Variants in TRAPPC8 observed in about 807,000 individuals in gnomAD.
TRAPPC8 encodes the protein trafficking protein particle complex subunit 8, also known as general sporulation gene 1 homolog.
TRAPPC8 carries 54 observed loss-of-function variants against 174.3 expected under a neutral mutation model. The observed-to-expected ratio is 0.31, with a 90% CI of 0.25 to 0.39. The LOEUF is 0.39. Among genes scored for constraint, TRAPPC8 ranks in the 10% least tolerant of loss-of-function variants. The pLI, the probability that TRAPPC8 is intolerant of heterozygous loss-of-function variation, is 1.00. For synonymous variants in TRAPPC8, 630 were observed against 579.9 expected (o/e 1.09, Z -1.24); for missense variants, 1,531 against 1,699.1 (o/e 0.90, Z 1.74).
intron 27 of TRAPPC8, 79 bp from the exon 28 acceptor site, chr18:31,832,252 CTA>C: frequency 1.4e-6 from 1 of 725,200 alleles, no homozygotes; most frequent in African/African-American, 1.9e-5. Flanking sequence ...ACACTTAAGA[CTA>C]TGTAACAGAG....
intron 27 of TRAPPC8, among the ~76,000 whole-genome samples, chr18:31,834,001 CA>C (rs35469149): frequency 1.4e-4 from 14 of 101,104 alleles, no homozygotes; most frequent in Admixed American, 2.9e-4. Flanking sequence ...GACTCCGTCT[CA>C]AAAAAAAAAA....
chr18:31,873,262 C>T (rs564352398), intron 14 of TRAPPC8, among the ~76,000 whole-genome samples, 168 bp downstream of exon 14: 10 of 152,152 alleles, frequency 6.6e-5, no homozygotes, highest in Middle Eastern at 3.4e-3. Context: ...CATGATCTGC[C>T]GGCCTCAGCC....
chr18:31,874,595 G>A lies in TRAPPC8; in HGVS notation c.1838C>T (p.Thr613Ile). The A allele has an allele frequency of 6.2e-7, 1 of 1,614,122 alleles. No individual in the cohort carries two copies. Among genetic ancestry groups the A allele is most frequent in the Non-Finnish European group, 8.5e-7 (1 of 1,180,008 alleles). The change falls in exon 13 of 29, where the codon ACT becomes ATT. Residue 613 changes from threonine to isoleucine, a missense_variant. By Grantham distance (89) the Thr-to-Ile change is moderately conservative (BLOSUM62 -1). Coordinates refer to ENST00000283351, the MANE Select transcript of TRAPPC8 (RefSeq NM_014939.5). The stretch of plus-strand genomic sequence containing the variant: ...CACAGCATTATCCAGCTGTCTAAGA[G>A]TATAGGACTGGCGCCCAATAGTGAA... The part of the protein sequence containing the change: ...INFTIGRQSY[T>I]LRQLDNAVSA...
intron 2 of TRAPPC8, among the ~76,000 whole-genome samples, chr18:31,921,614 G>A (rs2037391663): frequency 1.5e-5 from 2 of 137,552 alleles, no homozygotes; most frequent in South Asian, 2.2e-4. Context: ...GCGAGACTCC[G>A]TCTCAAAAAA....
intron 1 of TRAPPC8, among the ~76,000 whole-genome samples, chr18:31,935,741 T>A (rs949327924): frequency 7.3e-6 from 1 of 137,372 alleles, no homozygotes; most frequent in African/African-American, 2.7e-5. Context: ...ACCCCATTTC[T>A]TTTTTTTTTT....
chr18:31,880,135 A>AG (rs2035376253), intron 12 of TRAPPC8, among the ~76,000 whole-genome samples: 1 of 121,454 alleles, frequency 8.2e-6, no homozygotes, highest in East Asian at 2.5e-4. Flanking sequence ...TTTTTTTTTT[A>AG]AGGAAGAAAG....
intron 11 of TRAPPC8, among the ~76,000 whole-genome samples, chr18:31,893,303 C>G (rs2036039202): frequency 6.6e-6 from 1 of 151,944 alleles, no homozygotes; most frequent in South Asian, 2.1e-4. Flanking sequence ...TTTATAGTGT[C>G]AAGATATTAC....
intron 26 of TRAPPC8, among the ~76,000 whole-genome samples, chr18:31,843,439 T>G (rs1450581270): frequency 6.6e-6 from 1 of 152,196 alleles, no homozygotes; most frequent in African/African-American, 2.4e-5. Flanking sequence ...AAAATAATTT[T>G]GTGCACAGCA....
chr18:31,900,875 AC>A, intron 10 of TRAPPC8, 49 bp downstream of exon 10: 1 of 1,428,062 alleles, frequency 7.0e-7, no homozygotes. Context: ...AAAAAAAAGA[AC>A]AAACTGACCT....
chr18:31,867,589 T>G, intron 16 of TRAPPC8, 113 bp from the exon 17 acceptor site: 1 of 735,922 alleles, frequency 1.4e-6, no homozygotes. Flanking sequence ...CTGCATTTAC[T>G]TGGTTTTTAC....
At chr18:31,872,214 TTC>T (rs1346029913) in intron 14 of TRAPPC8, among the ~76,000 whole-genome samples, 1 of 152,156 alleles carries the variant, frequency 6.6e-6, no homozygotes, top group Non-Finnish European at 1.5e-5. Context: ...GACTTTCTGT[TTC>T]TGAGTTATTT....
chr18:31,849,209 A>G (rs1192755763), intron 25 of TRAPPC8, among the ~76,000 whole-genome samples: 5 of 152,190 alleles, frequency 3.3e-5, no homozygotes, highest in African/African-American at 7.2e-5. Context: ...ATGAATAACA[A>G]AAAATTAATG....
Position 31,913,531 on chromosome 18 carries a change from G to A in TRAPPC8, c.618-9C>T. ...CATAAATTGATTCAGCTCTAAAACA[G>A]AAAATGGAAAAAAATCTGAAGTAAA... On this transcript the variant is annotated splice_polypyrimidine_tract_variant and intron_variant, in intron 4 of 28. Coordinates refer to ENST00000283351, the MANE Select transcript of TRAPPC8 (RefSeq NM_014939.5). The A allele has an allele frequency of 1.9e-6, 3 of 1,561,490 alleles. No individual in the cohort carries two copies. Among genetic ancestry groups the A allele is most frequent in the Admixed American group, 2.1e-5 (1 of 48,062 alleles).
chr18:31,846,670 A>T (rs748213444), intron 26 of TRAPPC8, 46 bp downstream of exon 26: 9 of 1,451,446 alleles, frequency 6.2e-6, no homozygotes, highest in Non-Finnish European at 6.6e-6. Context: ...AACAAAAAAA[A>T]ACCCACAAGT....
At chr18:31,915,342 T>G (rs1159648880) in intron 4 of TRAPPC8, among the ~76,000 whole-genome samples, 1 of 150,798 alleles carries the variant, frequency 6.6e-6, no homozygotes, top group Non-Finnish European at 1.5e-5. Context: ...GTGCCTGTAA[T>G]CCCAGCTACC....
chr18:31,837,043 T>G (rs893573311), intron 27 of TRAPPC8, among the ~76,000 whole-genome samples: 2 of 152,076 alleles, frequency 1.3e-5, no homozygotes, highest in Non-Finnish European at 2.9e-5. Context: ...ATTACAGGCG[T>G]GAGCCACCGC....
At chr18:31,873,648 TTAAGA>T (rs2035003725) in intron 13 of TRAPPC8, 110 bp from the exon 14 acceptor site, 2 of 690,928 alleles carry the variant, frequency 2.9e-6, no homozygotes, top group East Asian at 5.8e-5. Flanking sequence ...AGCAAGAATA[TTAAGA>T]TATGTAATTA....
At chr18:31,867,176 T>C (rs2034627821) in intron 17 of TRAPPC8, among the ~76,000 whole-genome samples, 1 of 152,150 alleles carries the variant, frequency 6.6e-6, no homozygotes, top group Non-Finnish European at 1.5e-5. Context: ...TAACTTTTCA[T>C]AAAAAGCATA....
chr18:31,844,844 A>G (rs2033306732), intron 26 of TRAPPC8, among the ~76,000 whole-genome samples: 1 of 152,218 alleles, frequency 6.6e-6, no homozygotes, highest in Non-Finnish European at 1.5e-5. Context: ...GAAACATGGC[A>G]CCACCTTAAA....
Sources: allele counts gnomAD v4.1 joint callset (sites outside exome capture counted in the v4.1 genomes callset), GRCh38; gene constraint gnomAD v4.1.1; transcripts MANE v1.5; gene names NCBI Gene and HGNC (gene_info 2026-07-23, HGNC 2026-07-21).